MMAA: variants seen among roughly 807,000 people sequenced by gnomAD.
MMAA encodes metabolism of cobalamin associated A, also known as methylmalonic aciduria type A protein, mitochondrial.
MMAA carries 41 observed loss-of-function variants against 45.0 expected under a neutral mutation model. That is an observed-to-expected ratio of 0.91 (90% confidence interval 0.71 to 1.18). The LOEUF is 1.18. MMAA is among the 50% of genes most tolerant of loss of function. MMAA has a pLI of 0.00. For missense variants in MMAA, 460 were observed against 495.7 expected (o/e 0.93, Z 0.68); for synonymous variants, 154 against 178.2 (o/e 0.86, Z 1.08).
intron 1 of MMAA, among the ~76,000 whole-genome samples, chr4:145,628,718 G>A (rs758274102): frequency 1.3e-5 from 2 of 152,110 alleles, no homozygotes; most frequent in Non-Finnish European, 2.9e-5. Flanking sequence ...CCAGGGATTC[G>A]GACGTGGACA....
At chr4:145,634,559 G>A (rs1329140445) in intron 1 of MMAA, among the ~76,000 whole-genome samples, 1 of 151,894 alleles carries the variant, frequency 6.6e-6, no homozygotes, top group Admixed American at 6.5e-5. Flanking sequence ...CTACCCCACT[G>A]TGGCCAGGCT....
At chr4:145,637,037 T>C (rs547686213) in intron 1 of MMAA, among the ~76,000 whole-genome samples, 10 of 152,324 alleles carry the variant, frequency 6.6e-5, no homozygotes, top group East Asian at 1.9e-4. Flanking sequence ...GGAACTAATA[T>C]ATTAATAGAA....
chr4:145,659,746 AATG>A lies in MMAA; in HGVS notation c.*4315_*4317del, dbSNP rs1278969079. ...GTTTCAATACATGTATATGTTGTGT[AATG>A]ATCAAATCGGAGTACTTAGCATATC... On this transcript the variant is annotated 3_prime_UTR_variant, in exon 7 of 7. Coordinates refer to ENST00000649156, the MANE Select transcript of MMAA (RefSeq NM_172250.3). The A allele has an allele frequency of 6.6e-6, 1 of 152,174 alleles. No individual in the cohort carries two copies. The highest frequency in any genetic ancestry group is 2.4e-5 in the African/African-American group (1 of 41,418). 9.4% of individuals were successfully genotyped at this position (152,174 alleles called of 1,614,324 possible). A position where few individuals can be genotyped will look rare whatever the true frequency, so the allele number is the denominator to read the frequency against.
rs565828392 is a variant in MMAA at position 145,656,026 on chromosome 4, A to G, written c.*592A>G. 17 of 152,340 alleles carry G rather than the reference A, an allele frequency of 1.1e-4. No homozygotes were observed. Among genetic ancestry groups the G allele is most frequent in the African/African-American group, 2.9e-4 (12 of 41,562 alleles). The allele number at this position is 152,340 out of a possible 1,614,324, so 9.4% of individuals were successfully genotyped here. A position where few individuals can be genotyped will look rare whatever the true frequency, so the allele number is the denominator to read the frequency against. On this transcript the variant is annotated 3_prime_UTR_variant, in exon 7 of 7. Coordinates refer to ENST00000649156, the MANE Select transcript of MMAA (RefSeq NM_172250.3). ...GCAGGTACCCTTCCGCCACCCCCCA[A>G]CATGATAGGTAAGAGAGCAAAAGGG...
At position 145,619,416 on chromosome 4, in the gene MMAA, G is replaced by A. The variant is rs1055197952; in HGVS notation, c.-66+9G>A. On this transcript the variant is annotated intron_variant, in intron 1 of 6. Coordinates refer to ENST00000649156, the MANE Select transcript of MMAA (RefSeq NM_172250.3). Reference sequence around the variant, plus strand: ...TCCGTGGCTTCGGGCGGGTGAGTATGGGGAGTGCGCGCGGCGTCCAGGAGT... The same window carrying A: ...TCCGTGGCTTCGGGCGGGTGAGTATAGGGAGTGCGCGCGGCGTCCAGGAGT... 2.0e-5 allele frequency: 3 copies of A among 152,286 alleles called. No individual in the cohort carries two copies. The highest frequency in any genetic ancestry group is 4.4e-5 in the Non-Finnish European group (3 of 68,092). The allele number at this position is 152,286 out of a possible 1,614,324, so 9.4% of individuals were successfully genotyped here.
At chr4:145,650,619 C>T (rs141983375) in intron 4 of MMAA, 6 of 169,490 alleles carry the variant, frequency 3.5e-5, no homozygotes, top group East Asian at 3.2e-4. Flanking sequence ...ATTTCTCTCA[C>T]GTGCCTATGG....
chr4:145,650,922 T>G, intron 4 of MMAA, 140 bp from the exon 5 acceptor site: 62 of 746,810 alleles, frequency 8.3e-5, no homozygotes, highest in Non-Finnish European at 1.1e-4. Context: ...TCTTCAGAAG[T>G]GAGATGTTTA....
At position 145,659,758 on chromosome 4, in the gene MMAA, G is replaced by A. The variant is rs910534961; in HGVS notation, c.*4324G>A. 5 of 152,004 alleles carry A rather than the reference G, an allele frequency of 3.3e-5. No individual in the cohort carries two copies. Among genetic ancestry groups the A allele is most frequent in the Admixed American group, 6.6e-5 (1 of 15,266 alleles). 9.4% of individuals were successfully genotyped at this position (152,004 alleles called of 1,614,324 possible). A position where few individuals can be genotyped will look rare whatever the true frequency, so the allele number is the denominator to read the frequency against. On this transcript the variant is annotated 3_prime_UTR_variant, in exon 7 of 7. Coordinates refer to ENST00000649156, the MANE Select transcript of MMAA (RefSeq NM_172250.3). ...GTATATGTTGTGTAATGATCAAATC[G>A]GAGTACTTAGCATATCTATCATCTC...
At chr4:145,638,353 AGT>A (rs201608778) in intron 1 of MMAA, among the ~76,000 whole-genome samples, 3,291 of 152,102 alleles carry the variant, frequency 0.022, 97 homozygotes, top group African/African-American at 0.07. Flanking sequence ...TGAGCGAGAG[AGT>A]GAGACTCCGT....
intron 1 of MMAA, among the ~76,000 whole-genome samples, chr4:145,634,638 G>C (rs532022737): frequency 2.0e-5 from 3 of 151,580 alleles, no homozygotes; most frequent in Non-Finnish European, 4.4e-5. Flanking sequence ...AAGGAGTCTC[G>C]CCCTGTATCT....
intron 1 of MMAA, among the ~76,000 whole-genome samples, chr4:145,630,037 A>G (rs1734300375): frequency 6.6e-6 from 1 of 151,542 alleles, no homozygotes; most frequent in African/African-American, 2.4e-5. Flanking sequence ...ATTTGGAAAT[A>G]CTCCCTTTTC....
At chr4:145,624,721 TG>T in intron 1 of MMAA, 1 of 1,571,990 alleles carries the variant, frequency 6.4e-7, no homozygotes. Context: ...TTTCCTTCTT[TG>T]TTCAGAAGCC....
At chr4:145,650,069 G>A (rs866374155) in intron 4 of MMAA, among the ~76,000 whole-genome samples, 2 of 152,198 alleles carry the variant, frequency 1.3e-5, no homozygotes, top group Admixed American at 1.3e-4. Flanking sequence ...TTCCAGAAAC[G>A]AGTATTTTAA....
intron 1 of MMAA, chr4:145,624,506 G>A (rs1453807097): frequency 1.2e-5 from 12 of 1,027,888 alleles, no homozygotes; most frequent in Middle Eastern, 2.2e-4. Context: ...ATGGGGGCCT[G>A]ATAAGCCACT....
intron 4 of MMAA, chr4:145,646,488 C>G (rs539389100): frequency 8.7e-5 from 23 of 263,220 alleles, no homozygotes; most frequent in Non-Finnish European, 1.7e-4. Context: ...CATATGTCTA[C>G]TGTGTTCATC....
At position 145,624,031 on chromosome 4, in the gene MMAA, A is replaced by G. The variant is rs1487937171; in HGVS notation, c.-66+4624A>G. On this transcript the variant is annotated intron_variant, in intron 1 of 6. Coordinates refer to ENST00000649156, the MANE Select transcript of MMAA (RefSeq NM_172250.3). ...TGACTCACTTCACTTTACTAGTTCA[A>G]AATTAGGCAGGAGAAGAACTAAGCT... The G allele has an allele frequency of 1.1e-5, 8 of 756,702 alleles. No homozygotes were observed. In the African/African-American group the frequency reaches 1.4e-4, roughly 13 times the overall value. The allele number at this position is 756,702 out of a possible 1,614,324, so 46.9% of individuals were successfully genotyped here. A position where few individuals can be genotyped will look rare whatever the true frequency, so the allele number is the denominator to read the frequency against.
intron 2 of MMAA, among the ~76,000 whole-genome samples, chr4:145,640,781 T>C (rs922298196): frequency 6.6e-6 from 1 of 152,222 alleles, no homozygotes; most frequent in Non-Finnish European, 1.5e-5. Flanking sequence ...TGTAAAACAA[T>C]TTAGATATGT....
chr4:145,627,278 T>C (rs189522396), intron 1 of MMAA, among the ~76,000 whole-genome samples: 6 of 152,368 alleles, frequency 3.9e-5, no homozygotes, highest in South Asian at 2.1e-4. Context: ...TGCAAACTTA[T>C]CTTACCATTT....
chr4:145,651,274 C>A, intron 5 of MMAA, 127 bp downstream of exon 5: 1 of 800,494 alleles, frequency 1.2e-6, no homozygotes, highest in Non-Finnish European at 2.1e-6. Flanking sequence ...TTCATGTTGG[C>A]TAAAATACCT....
Sources: allele counts gnomAD v4.1 joint callset (sites outside exome capture counted in the v4.1 genomes callset), GRCh38; gene constraint gnomAD v4.1.1; transcripts MANE v1.5; gene names NCBI Gene and HGNC (gene_info 2026-07-23, HGNC 2026-07-21).